The following RBFOX1 variants were observed in gnomAD, a reference collection of about 807,000 sequenced individuals.
The protein encoded by RBFOX1 is RNA binding protein fox-1 homolog 1.
In RBFOX1, 8 loss-of-function variants were observed where a neutral mutation model predicts 57.7. That is an observed-to-expected ratio of 0.14 (90% CI 0.08 to 0.25). RBFOX1 has a LOEUF of 0.25. Among genes scored for constraint, RBFOX1 ranks in the 10% least tolerant of loss-of-function variants. The pLI is 1.00. For synonymous variants in RBFOX1, 326 were observed against 222.4 expected (o/e 1.47, Z -4.15); for missense variants, 611 against 548.5 (o/e 1.11, Z -1.14).
chr16:7,059,041 A>G (rs2053416750), intron 4 of RBFOX1, among the ~76,000 whole-genome samples: 1 of 152,204 alleles, frequency 6.6e-6, no homozygotes, highest in Non-Finnish European at 1.5e-5. Flanking sequence ...CGAGTTTCTC[A>G]TTTCTGCTAG....
chr16:6,115,809 C>G (rs74004771), intron 1 of RBFOX1, among the ~76,000 whole-genome samples: 1 of 152,158 alleles, frequency 6.6e-6, no homozygotes, highest in Non-Finnish European at 1.5e-5. Context: ...ATATGATAAT[C>G]TCCAGGGACT....
intron 3 of RBFOX1, among the ~76,000 whole-genome samples, chr16:5,721,155 T>C (rs1377395860): frequency 1.3e-5 from 2 of 152,234 alleles, no homozygotes; most frequent in African/African-American, 4.8e-5. Flanking sequence ...TGTTTTATGT[T>C]TATCCCCAAG....
intron 1 of RBFOX1, among the ~76,000 whole-genome samples, chr16:5,418,688 C>G (rs1210112074): frequency 1.3e-5 from 2 of 152,150 alleles, no homozygotes; most frequent in East Asian, 1.9e-4. Flanking sequence ...CCTCCCTCTT[C>G]TGGCTTTCAT....
At chr16:6,792,637 A>T (rs543819735) in intron 3 of RBFOX1, among the ~76,000 whole-genome samples, 3 of 152,076 alleles carry the variant, frequency 2.0e-5, no homozygotes. Flanking sequence ...ATTGCTGTCT[A>T]TGGTAACTTG....
At chr16:7,192,526 T>C (rs1004538186) in intron 4 of RBFOX1, among the ~76,000 whole-genome samples, 1 of 152,144 alleles carries the variant, frequency 6.6e-6, no homozygotes, top group Non-Finnish European at 1.5e-5. Context: ...TACTGAAGCA[T>C]CAACTGTGAG....
At chr16:7,040,901 T>C (rs962758508) in intron 3 of RBFOX1, among the ~76,000 whole-genome samples, 15 of 91,092 alleles carry the variant, frequency 1.6e-4, no homozygotes, top group African/African-American at 8.8e-4. Flanking sequence ...TTTTTTGTTT[T>C]GTTTTTTTGT....
At chr16:5,364,585 A>C (rs981730391) in intron 1 of RBFOX1, among the ~76,000 whole-genome samples, 1 of 152,210 alleles carries the variant, frequency 6.6e-6, no homozygotes, top group Admixed American at 6.5e-5. Context: ...TCCATTCTCT[A>C]TCTAAAAATC....
intron 3 of RBFOX1, among the ~76,000 whole-genome samples, chr16:6,948,918 G>T (rs1042329637): frequency 3.3e-5 from 5 of 152,164 alleles, no homozygotes; most frequent in Non-Finnish European, 5.9e-5. Context: ...GAGGAAGGGA[G>T]AGTGGGTTAT....
intron 3 of RBFOX1, among the ~76,000 whole-genome samples, chr16:7,041,710 C>T (rs769198570): frequency 6.6e-6 from 1 of 152,160 alleles, no homozygotes; most frequent in East Asian, 1.9e-4. Context: ...TTAATTTAGC[C>T]AAATTCACAA....
chr16:7,669,403 G>A (rs2145959645), intron 13 of RBFOX1, among the ~76,000 whole-genome samples: 1 of 152,298 alleles, frequency 6.6e-6, no homozygotes, highest in South Asian at 2.1e-4. Context: ...AAAAAGAATT[G>A]ACAAACGGAT....
intron 3 of RBFOX1, among the ~76,000 whole-genome samples, chr16:5,778,035 C>T (rs567379724): frequency 6.6e-6 from 1 of 152,240 alleles, no homozygotes; most frequent in South Asian, 2.1e-4. Flanking sequence ...AACCCTAGGG[C>T]CAGTGCAGTG....
At chr16:5,828,313 C>T (rs1355865972) in intron 3 of RBFOX1, among the ~76,000 whole-genome samples, 6 of 152,110 alleles carry the variant, frequency 3.9e-5, no homozygotes, top group African/African-American at 1.2e-4. Flanking sequence ...GTGATAAGAG[C>T]TGCAAAGGGA....
At chr16:6,325,691 T>C (rs1388101662) in intron 2 of RBFOX1, among the ~76,000 whole-genome samples, 1 of 152,186 alleles carries the variant, frequency 6.6e-6, no homozygotes, top group Non-Finnish European at 1.5e-5. Context: ...ATAGGCTGGT[T>C]AATACGATAT....
intron 3 of RBFOX1, among the ~76,000 whole-genome samples, chr16:6,727,556 C>G (rs565168217): frequency 1.3e-5 from 2 of 152,106 alleles, no homozygotes; most frequent in Admixed American, 6.5e-5. Flanking sequence ...GAGAGGGAAC[C>G]GTACAAACAG....
At chr16:5,398,661 G>A (rs1406982522) in intron 1 of RBFOX1, among the ~76,000 whole-genome samples, 2 of 152,112 alleles carry the variant, frequency 1.3e-5, no homozygotes, top group African/African-American at 4.8e-5. Flanking sequence ...AGGGAGTCCA[G>A]TGGGAGGATA....
chr16:5,682,754 C>T (rs925955002), intron 3 of RBFOX1, among the ~76,000 whole-genome samples: 5 of 152,320 alleles, frequency 3.3e-5, no homozygotes, highest in Admixed American at 2.6e-4. Flanking sequence ...CCTTGGCAGC[C>T]ACACATTGAA....
At chr16:7,626,748 G>T (rs2060132196) in intron 10 of RBFOX1, among the ~76,000 whole-genome samples, 1 of 152,180 alleles carries the variant, frequency 6.6e-6, no homozygotes, top group Admixed American at 6.5e-5. Flanking sequence ...TTCCTGCCAT[G>T]AACAGGCGGA....
chr16:7,202,190 G>C (rs1423991649), intron 4 of RBFOX1, among the ~76,000 whole-genome samples: 1 of 151,418 alleles, frequency 6.6e-6, no homozygotes, highest in Non-Finnish European at 1.5e-5. Context: ...ATAAACAAAT[G>C]GCCAATAAGC....
chr16:5,578,999 C>T (rs1290110999), intron 2 of RBFOX1, among the ~76,000 whole-genome samples: 3 of 152,044 alleles, frequency 2.0e-5, no homozygotes, highest in African/African-American at 4.8e-5. Context: ...AGGCTTGTAC[C>T]ATCACGCCCG....
Sources: gnomAD v4.1 joint callset for allele counts (sites outside exome capture counted in the v4.1 genomes callset) on GRCh38, gnomAD v4.1.1 for gene constraint, MANE v1.5 for transcripts, NCBI Gene and HGNC (gene_info 2026-07-23, HGNC 2026-07-21) for gene names.